The following ZBBX variants were observed in gnomAD, a reference collection of about 807,000 sequenced individuals.
ZBBX encodes zinc finger B-box domain-containing protein 1.
Under a neutral mutation model 108.5 loss-of-function variants are expected in ZBBX, and 101 were observed. The observed-to-expected ratio is 0.93, with a 90% confidence interval of 0.79 to 1.10. The LOEUF (loss-of-function observed/expected upper bound fraction) is 1.10, where lower values mean the gene tolerates loss of function less well. Among genes scored for constraint, ZBBX ranks in the 50% least tolerant of loss-of-function variants. The pLI is 0.00. For synonymous variants in ZBBX, 356 were observed against 323.4 expected (o/e 1.10, Z -1.08); for missense variants, 1,009 against 941.4 (o/e 1.07, Z -0.94).
the ZBBX span, among the ~76,000 whole-genome samples, chr3:167,229,440 T>C: frequency 6.6e-6 from 1 of 151,904 alleles, no homozygotes; most frequent in Admixed American, 6.6e-5. Flanking sequence ...TTTTATTCAT[T>C]TATGCCCCAA....
chr3:167,181,851 G>T, the ZBBX span, among the ~76,000 whole-genome samples: 1 of 152,164 alleles, frequency 6.6e-6, no homozygotes, highest in South Asian at 2.1e-4. Flanking sequence ...CGCTGGCAAG[G>T]GTCTATAGAC....
At chr3:167,288,812 C>A in intron 19 of ZBBX, 55 bp downstream of exon 19, 1 of 1,263,768 alleles carries the variant, frequency 7.9e-7, no homozygotes, top group Non-Finnish European at 1.1e-6. Context: ...AAAAAGCAAA[C>A]TACTAAAGGA....
the ZBBX span, among the ~76,000 whole-genome samples, chr3:167,189,989 A>T: frequency 1.3e-5 from 2 of 152,208 alleles, no homozygotes; most frequent in Non-Finnish European, 2.9e-5. Flanking sequence ...AGGTAGAGCT[A>T]CCTTACTTTT....
chr3:167,316,892 A>G, intron 14 of ZBBX, 113 bp downstream of exon 14: 1 of 556,502 alleles, frequency 1.8e-6, no homozygotes, highest in Non-Finnish European at 3.0e-6. Flanking sequence ...ATTTCCTATT[A>G]AACTATGTTA....
chr3:167,254,990 C>A (rs1014485138), intron 20 of ZBBX, among the ~76,000 whole-genome samples: 14 of 151,724 alleles, frequency 9.2e-5, no homozygotes, highest in African/African-American at 3.4e-4. Context: ...CAGAAAATGG[C>A]AAATCATTAT....
At chr3:167,230,516 C>A in the ZBBX span, among the ~76,000 whole-genome samples, 1 of 151,734 alleles carries the variant, frequency 6.6e-6, no homozygotes, top group African/African-American at 2.4e-5. Flanking sequence ...CCAGTAAGGA[C>A]TTCTTTGAGA....
At chr3:167,375,357 C>G (rs964052377) in intron 2 of ZBBX, among the ~76,000 whole-genome samples, 2 of 152,004 alleles carry the variant, frequency 1.3e-5, no homozygotes, top group African/African-American at 4.8e-5. Flanking sequence ...CTTGGGAGGC[C>G]AAGGTGGGCA....
At chr3:167,191,896 C>CATATCTATAT in the ZBBX span, among the ~76,000 whole-genome samples, 2 of 67,956 alleles carry the variant, frequency 2.9e-5, no homozygotes, top group African/African-American at 1.3e-4. Context: ...TTACAAAAAT[C>CATATCTATAT]ATATATATAT....
At chr3:167,242,404 CAT>C in intron 21 of ZBBX, 99 bp downstream of exon 21, 2 of 1,020,628 alleles carry the variant, frequency 2.0e-6, no homozygotes, top group South Asian at 3.8e-5. Context: ...AAAGTATACA[CAT>C]GAGGACAATC....
intron 18 of ZBBX, among the ~76,000 whole-genome samples, chr3:167,295,658 C>G (rs1337779944): frequency 4.2e-5 from 6 of 142,358 alleles, no homozygotes; most frequent in African/African-American, 1.6e-4. Flanking sequence ...CATATGTACC[C>G]AGAACTTAAA....
chr3:167,239,660 A>G (rs1458798477), downstream of ZBBX, among the ~76,000 whole-genome samples: 1 of 152,132 alleles, frequency 6.6e-6, no homozygotes, highest in Admixed American at 6.6e-5. Context: ...TAAGACTTCC[A>G]GTCAACCATA....
the ZBBX span, among the ~76,000 whole-genome samples, chr3:167,232,359 A>G: frequency 6.6e-6 from 1 of 151,840 alleles, no homozygotes; most frequent in Admixed American, 6.6e-5. Context: ...TTTGCAGATA[A>G]ATGGCTCGTT....
downstream of ZBBX, among the ~76,000 whole-genome samples, chr3:167,237,370 A>T (rs1720273097): frequency 6.6e-6 from 1 of 151,946 alleles, no homozygotes; most frequent in Non-Finnish European, 1.5e-5. Flanking sequence ...AGCACTACAC[A>T]AGTCTGGGTA....
At chr3:167,224,422 T>C in the ZBBX span, among the ~76,000 whole-genome samples, 1 of 151,928 alleles carries the variant, frequency 6.6e-6, no homozygotes, top group Non-Finnish European at 1.5e-5. Context: ...CTATAGTTAA[T>C]AATGATATAT....
chr3:167,280,570 G>A (rs6798374), intron 20 of ZBBX, among the ~76,000 whole-genome samples: 113,359 of 141,112 alleles, frequency 0.8, 45,676 homozygotes, highest in African/African-American at 0.92. Flanking sequence ...TCTCACACCA[G>A]TTAGAATGGC....
the ZBBX span, among the ~76,000 whole-genome samples, chr3:167,222,965 TA>T: frequency 6.6e-6 from 1 of 152,088 alleles, no homozygotes; most frequent in African/African-American, 2.4e-5. Flanking sequence ...ATAGAAATGA[TA>T]AATAGTTGAG....
chr3:167,208,004 G>T, the ZBBX span, among the ~76,000 whole-genome samples: 3 of 152,170 alleles, frequency 2.0e-5, no homozygotes, highest in African/African-American at 7.2e-5. Context: ...GCATTTGGGG[G>T]AGGGAGAGTA....
the ZBBX span, among the ~76,000 whole-genome samples, chr3:167,229,358 C>T: frequency 2.6e-5 from 4 of 151,756 alleles, no homozygotes; most frequent in East Asian, 1.9e-4. Context: ...GGTCAATCTG[C>T]ATTTATTAGT....
chr3:167,367,111 C>T (rs1304685391), intron 5 of ZBBX, among the ~76,000 whole-genome samples: 1 of 151,846 alleles, frequency 6.6e-6, no homozygotes, highest in East Asian at 1.9e-4. Context: ...ATGGTCATCA[C>T]TTTGAGGACT....
Sources: allele counts gnomAD v4.1 joint callset (sites outside exome capture counted in the v4.1 genomes callset), GRCh38; gene constraint gnomAD v4.1.1; transcripts MANE v1.5; gene names NCBI Gene and HGNC (gene_info 2026-07-23, HGNC 2026-07-21).